Variants in GRB10 observed in about 807,000 individuals in gnomAD.
GRB10 encodes growth factor receptor-bound protein 10.
In GRB10, 20 loss-of-function variants were observed where a neutral mutation model predicts 80.9. The ratio of observed to expected loss-of-function variants is 0.25; its 90% CI spans 0.17 to 0.36. The LOEUF (loss-of-function observed/expected upper bound fraction) is 0.36. GRB10 is among the 10% of genes least tolerant of loss of function. GRB10 has a pLI of 1.00. For synonymous variants in GRB10, 291 were observed against 291.5 expected, an observed-to-expected ratio of 1.00 and a Z score of 0.02; for missense variants, 548 against 747.7, an observed-to-expected ratio of 0.73 and a Z score of 3.12.
chr7:50,742,384 G>T (rs956090064), intron 3 of GRB10, among the ~76,000 whole-genome samples: 3 of 152,254 alleles, frequency 2.0e-5, no homozygotes, highest in Non-Finnish European at 2.9e-5. Flanking sequence ...AAGGGCTGGT[G>T]ATGGGACTCA....
intron 3 of GRB10, among the ~76,000 whole-genome samples, chr7:50,738,059 T>C (rs1010265582): frequency 6.6e-6 from 1 of 152,078 alleles, no homozygotes. Flanking sequence ...AAATCAGAAC[T>C]GCAACAAGAT....
chr7:50,598,768 C>G (rs2047075724), intron 17 of GRB10, among the ~76,000 whole-genome samples: 1 of 152,202 alleles, frequency 6.6e-6, no homozygotes, highest in Non-Finnish European at 1.5e-5. Context: ...GGGATAACAC[C>G]TCTCTTTCTG....
intron 13 of GRB10, among the ~76,000 whole-genome samples, chr7:50,607,957 A>T (rs188123244): frequency 6.6e-6 from 1 of 152,160 alleles, no homozygotes; most frequent in Non-Finnish European, 1.5e-5. Context: ...TTCTGGCTCT[A>T]GGTCTCATGG....
rs1319969056 is a variant in GRB10 at position 50,606,405 on chromosome 7, G to A, written c.1204C>T (p.Leu402Phe). The A allele has an allele frequency of 1.9e-6, 3 of 1,613,722 alleles. No homozygotes were observed. The East Asian group carries it at 6.7e-5, about 36-fold the overall frequency. ...TAFRLLKYGM[L>F]LYQNYRIPQQ... ...GGGATTCGGTAATTCTGGTAAAGGAGCATTCCATACTGGAGAGGAGAAGCC... is the reference window on the plus strand; with the variant it reads ...GGGATTCGGTAATTCTGGTAAAGGAACATTCCATACTGGAGAGGAGAAGCC... Residue 402 changes from leucine (L) to phenylalanine (F), a missense_variant, in exon 14 of 19, where the codon CTC (leucine) becomes TTC (phenylalanine). By Grantham distance (22) the Leu-to-Phe change is conservative. This residue lies in a region of GRB10 where 270 missense variants were observed against 433.6 expected (regional missense o/e 0.62). Coordinates refer to ENST00000401949, the MANE Select transcript of GRB10 (RefSeq NM_001350814.2).
At chr7:50,608,057 A>T (rs1298066406) in intron 13 of GRB10, among the ~76,000 whole-genome samples, 1 of 152,248 alleles carries the variant, frequency 6.6e-6, no homozygotes, top group African/African-American at 2.4e-5. Flanking sequence ...GAAGAGCAAG[A>T]ACAGGTCAGG....
chr7:50,787,940 G>C (rs572959339), intron 1 of GRB10, among the ~76,000 whole-genome samples: 19 of 152,288 alleles, frequency 1.2e-4, no homozygotes, highest in African/African-American at 4.6e-4. Flanking sequence ...GCCCATACGG[G>C]ACAATTAGAG....
intron 2 of GRB10, 28 bp downstream of exon 2, chr7:50,780,599 C>T (rs971905256): frequency 1.3e-5 from 2 of 152,188 alleles, no homozygotes; most frequent in Non-Finnish European, 2.9e-5. Flanking sequence ...AGTTTCGTAG[C>T]TCAGAGCTGG....
intron 4 of GRB10, among the ~76,000 whole-genome samples, chr7:50,722,021 G>C (rs749824662): frequency 1.2e-4 from 18 of 152,218 alleles, no homozygotes; most frequent in African/African-American, 4.3e-4. Flanking sequence ...GCTGCTGGTA[G>C]GGAGGATCAG....
At chr7:50,607,433 C>CT (rs530931262) in intron 13 of GRB10, among the ~76,000 whole-genome samples, 149 of 152,292 alleles carry the variant, frequency 9.8e-4, no homozygotes, top group African/African-American at 3.6e-3. Context: ...AGTGCTGCTG[C>CT]TACTGTGGCC....
intron 7 of GRB10, among the ~76,000 whole-genome samples, chr7:50,628,337 C>A (rs1260670132): frequency 6.6e-6 from 1 of 152,156 alleles, no homozygotes; most frequent in Non-Finnish European, 1.5e-5. Flanking sequence ...CTCTCTGGCC[C>A]CTTTTCTTGT....
At position 50,703,907 on chromosome 7, in the gene GRB10, T is replaced by C. The variant is rs1208385425; in HGVS notation, c.53A>G (p.Asp18Gly). Reference sequence around the variant, plus strand: ...ACTGCGAGGTGTCTGCTCCACCTTGTCCTAAAAAAACAGGACCGCAGCAGA... The same window carrying C: ...ACTGCGAGGTGTCTGCTCCACCTTGCCCTAAAAAAACAGGACCGCAGCAGA... ...DSFLHHPYYQDKVEQTPRSQQ... is the reference protein window; with the variant it reads ...DSFLHHPYYQGKVEQTPRSQQ... Residue 18 changes from aspartate (D) to glycine (G), a missense_variant and splice_region_variant, in exon 5 of 19, where the codon GAC becomes GGC. By Grantham distance (94) the Asp-to-Gly change is moderately conservative. Transcript: ENST00000401949. The C allele has an allele frequency of 6.2e-7, 1 of 1,612,274 alleles. No individual in the cohort carries two copies. Among genetic ancestry groups the C allele is most frequent in the South Asian group, 1.1e-5 (1 of 90,998 alleles).
rs1034246258 is a variant in GRB10, at chr7:50,590,836, A to C, written c.*2116T>G. The C allele has an allele frequency of 1.3e-5, 2 of 152,278 alleles. No individual in the cohort carries two copies. Among genetic ancestry groups the C allele is most frequent in the Non-Finnish European group, 2.9e-5 (2 of 68,050 alleles). The allele number at this position is 152,278 out of a possible 1,614,324, so 9.4% of individuals were successfully genotyped here. Reference sequence around the variant, plus strand: ...CAAAAGACTACGTCAAACCAGCTACATACAAAACTGTGAATCAGAGTCAAG... The same window carrying C: ...CAAAAGACTACGTCAAACCAGCTACCTACAAAACTGTGAATCAGAGTCAAG... On this transcript the variant is annotated 3_prime_UTR_variant, in exon 19 of 19. Transcript: ENST00000401949.
At chr7:50,737,982 G>A (rs1019694236) in intron 3 of GRB10, among the ~76,000 whole-genome samples, 1 of 152,152 alleles carries the variant, frequency 6.6e-6, no homozygotes, top group Admixed American at 6.5e-5. Context: ...TTTCTCCAAA[G>A]AAGATATACG....
intron 2 of GRB10, among the ~76,000 whole-genome samples, chr7:50,777,893 T>C (rs1042654359): frequency 1.3e-5 from 2 of 151,776 alleles, no homozygotes; most frequent in African/African-American, 2.4e-5. Context: ...GGGAGGGGAA[T>C]AACACACACC....
intron 3 of GRB10, 83 bp from the exon 4 acceptor site, chr7:50,732,451 G>T: frequency 1.2e-6 from 1 of 831,714 alleles, no homozygotes; most frequent in Non-Finnish European, 2.0e-6. Flanking sequence ...AGTGTGACAT[G>T]TCTGAATGGG....
chr7:50,744,158 C>T (rs1343468223), intron 3 of GRB10, among the ~76,000 whole-genome samples: 1 of 152,130 alleles, frequency 6.6e-6, no homozygotes, highest in East Asian at 1.9e-4. Flanking sequence ...GGTCAGAGTA[C>T]TGCCTCAATC....
intron 6 of GRB10, among the ~76,000 whole-genome samples, chr7:50,672,971 C>T (rs374032845): frequency 3.9e-5 from 6 of 152,126 alleles, no homozygotes; most frequent in Admixed American, 3.3e-4. Context: ...GAGGGGAAGC[C>T]GGGGTGGGAA....
In GRB10 at chr7:50,618,065, CA is replaced by C; in HGVS notation, c.846+5del. 1.2e-6 allele frequency: 2 copies of C among 1,608,208 alleles called. No individual in the cohort carries two copies. Among genetic ancestry groups the C allele is most frequent in the Admixed American group, 3.3e-5 (2 of 60,012 alleles). On this transcript the variant is annotated splice_donor_5th_base_variant and intron_variant, in intron 10 of 18. Coordinates refer to ENST00000401949, the MANE Select transcript of GRB10 (RefSeq NM_001350814.2). The stretch of plus-strand genomic sequence containing the variant: ...ATTTCAGCAGAGATCTATTGTGGCC[CA>C]GTACCTGCAAAAGCTGGGTTTGACT...
At chr7:50,614,150 T>A (rs1337739972) in intron 12 of GRB10, among the ~76,000 whole-genome samples, 1 of 152,224 alleles carries the variant, frequency 6.6e-6, no homozygotes, top group Non-Finnish European at 1.5e-5. Flanking sequence ...CACATGTGTA[T>A]GTGTGTCTAT....
Sources: allele counts gnomAD v4.1 joint callset (sites outside exome capture counted in the v4.1 genomes callset), GRCh38; gene constraint gnomAD v4.1.1; regional missense constraint gnomAD v4.1.1; transcripts MANE v1.5; gene names NCBI Gene and HGNC (gene_info 2026-07-23, HGNC 2026-07-21).